CSMD2: variants seen among roughly 807,000 people sequenced by gnomAD.
CSMD2 encodes CUB and Sushi multiple domains 2.
A neutral mutation model predicts 398.5 loss-of-function variants in CSMD2; 130 were observed. The ratio of observed to expected loss-of-function variants is 0.33; its 90% CI spans 0.28 to 0.38. CSMD2 has a LOEUF of 0.38. Among genes scored for constraint, CSMD2 ranks in the 10% least tolerant of loss-of-function variants. The pLI is 1.00. For missense variants in CSMD2, 3,829 were observed against 4,764.9 expected, an observed-to-expected ratio of 0.80 and a Z score of 5.78; for synonymous variants, 1,828 against 1,908.5, an observed-to-expected ratio of 0.96 and a Z score of 1.10.
chr1:33,556,799 T>G (rs1658024448), intron 55 of CSMD2, among the ~76,000 whole-genome samples: 1 of 152,228 alleles, frequency 6.6e-6, no homozygotes, highest in African/African-American at 2.4e-5. Flanking sequence ...TCATAAGATC[T>G]GATGGTTTTA....
In CSMD2 at chr1:33,909,538, T is replaced by C. The variant is rs374465153; in HGVS notation, c.920+8556A>G. On this transcript the variant is annotated intron_variant, in intron 5 of 70. Coordinates refer to ENST00000373381, the MANE Select transcript of CSMD2 (RefSeq NM_001281956.2). ...GGCAGAGGCCTTGTCTTCTCCACCA[T>C]TGCATTCCCAGTGCCAAGTTCAATG... Among the ~76,000 whole-genome samples, 3 of 152,092 alleles carry C rather than the reference T, an allele frequency of 2.0e-5. No homozygotes were observed. In the South Asian group the frequency reaches 6.2e-4, roughly 31 times the overall value.
chr1:33,845,786 A>G (rs1000429878), intron 6 of CSMD2, among the ~76,000 whole-genome samples: 4 of 152,252 alleles, frequency 2.6e-5, no homozygotes, highest in African/African-American at 9.6e-5. Flanking sequence ...TTTTGAACGT[A>G]ACGCTTCTTC....
chr1:33,850,655 A>T (rs1638640079), intron 5 of CSMD2, among the ~76,000 whole-genome samples: 1 of 152,158 alleles, frequency 6.6e-6, no homozygotes, highest in African/African-American at 2.4e-5. Context: ...TTCTGTCCAC[A>T]TTAACTTCAC....
intron 2 of CSMD2, among the ~76,000 whole-genome samples, chr1:34,046,788 G>C (rs1030158230): frequency 1.3e-5 from 2 of 152,080 alleles, no homozygotes; most frequent in Non-Finnish European, 2.9e-5. Flanking sequence ...TACTATGCTT[G>C]GTTCTCAGGA....
At chr1:33,588,071 C>T (rs1289238280) in intron 44 of CSMD2, among the ~76,000 whole-genome samples, 3 of 152,182 alleles carry the variant, frequency 2.0e-5, no homozygotes, top group Non-Finnish European at 2.9e-5. Flanking sequence ...TCAGAGATAA[C>T]GACTGTTAAC....
Position 33,847,310 on chromosome 1 carries a change from C to T in CSMD2, c.921-314G>A, listed in dbSNP as rs145398094. On this transcript the variant is annotated intron_variant, in intron 5 of 70. Coordinates refer to ENST00000373381, the MANE Select transcript of CSMD2 (RefSeq NM_001281956.2). ...CCTTTTTCTTTTTTCTAGTTCTTTG[C>T]CTTTTCTGCTTGGAATATATTCACC... 4.9e-3 allele frequency among the ~76,000 whole-genome samples: 748 copies of T among 151,752 alleles called. 9 individuals carry two copies. Among genetic ancestry groups the T allele is most frequent in the African/African-American group, 0.017 (689 of 41,428 alleles).
intron 13 of CSMD2, among the ~76,000 whole-genome samples, chr1:33,768,293 T>G (rs1312275237): frequency 6.6e-6 from 1 of 152,196 alleles, no homozygotes; most frequent in Non-Finnish European, 1.5e-5. Flanking sequence ...AGGGAATATT[T>G]GGCAATGTCT....
chr1:33,808,260 A>C (rs148776768), intron 10 of CSMD2, among the ~76,000 whole-genome samples: 1 of 152,202 alleles, frequency 6.6e-6, no homozygotes, highest in African/African-American at 2.4e-5. Context: ...AGAGACAAAC[A>C]CAATTAACAA....
Position 33,519,445 on chromosome 1 carries a change from C to T in CSMD2, c.*53+20G>A. On this transcript the variant is annotated intron_variant, in intron 70 of 70. Coordinates refer to ENST00000373381, the MANE Select transcript of CSMD2 (RefSeq NM_001281956.2). The surrounding 1 kb of genome is among the most constrained non-coding windows in gnomAD (Gnocchi z 5.6). The stretch of plus-strand genomic sequence containing the variant: ...GTCTGTGCTTGTCATGGCCTGTCTT[C>T]CTCCCACACCCCTGCTCACCGGCTG... The T allele has an allele frequency of 6.7e-7, 1 of 1,494,528 alleles. No homozygotes were observed. Among genetic ancestry groups the T allele is most frequent in the Non-Finnish European group, 9.2e-7 (1 of 1,083,998 alleles). The allele number at this position is 1,494,528 out of a possible 1,614,324, so 92.6% of individuals were successfully genotyped here.
At chr1:33,939,145 T>C (rs1365938185) in intron 3 of CSMD2, among the ~76,000 whole-genome samples, 1 of 152,052 alleles carries the variant, frequency 6.6e-6, no homozygotes, top group African/African-American at 2.4e-5. Flanking sequence ...TTACTTAACA[T>C]TTCCCATGAT....
At chr1:34,118,311 A>T (rs1273027815) in intron 1 of CSMD2, among the ~76,000 whole-genome samples, 1 of 152,230 alleles carries the variant, frequency 6.6e-6, no homozygotes, top group Non-Finnish European at 1.5e-5. Context: ...AGCTAACATT[A>T]TGCTGAATGG....
intron 53 of CSMD2, among the ~76,000 whole-genome samples, chr1:33,561,910 C>T (rs759729709): frequency 2.0e-5 from 3 of 152,038 alleles, no homozygotes; most frequent in Non-Finnish European, 4.4e-5. Flanking sequence ...TGGAAAAGGT[C>T]GTGATGCCCC....
In CSMD2 at chr1:34,155,658, CCT is replaced by C. The variant is rs926456683; in HGVS notation, c.187+9251_187+9252del. Among the ~76,000 whole-genome samples the C allele has an allele frequency of 2.4e-4, 37 of 152,174 alleles. 1 individual carries two copies. Among genetic ancestry groups the C allele is most frequent in the African/African-American group, 8.9e-4 (37 of 41,440 alleles). ...CAGCAAGCCCACCCTCCTTCTCACCCCTGAGACCTGAAAAATAGCCTGGCAAG... is the reference window on the plus strand; with the variant it reads ...CAGCAAGCCCACCCTCCTTCTCACCCGAGACCTGAAAAATAGCCTGGCAAG... On this transcript the variant is annotated intron_variant, in intron 1 of 70. Transcript: ENST00000373381.
intron 29 of CSMD2, among the ~76,000 whole-genome samples, chr1:33,639,699 C>A (rs1007688162): frequency 6.6e-6 from 1 of 152,150 alleles, no homozygotes; most frequent in East Asian, 1.9e-4. Flanking sequence ...GGAAAATCAA[C>A]AACCACATCA....
chr1:33,975,582 C>T (rs1262445110), intron 3 of CSMD2, among the ~76,000 whole-genome samples: 1 of 151,774 alleles, frequency 6.6e-6, no homozygotes, highest in Non-Finnish European at 1.5e-5. Context: ...ACCCAGATTC[C>T]TTCTGTAATA....
At chr1:33,886,649 G>T (rs1469951000) in intron 5 of CSMD2, among the ~76,000 whole-genome samples, 1 of 152,162 alleles carries the variant, frequency 6.6e-6, no homozygotes, top group Admixed American at 6.5e-5. Flanking sequence ...GTGGGCAGCC[G>T]ATGGGAAATT....
At chr1:34,009,821 C>A (rs1456889135) in intron 3 of CSMD2, among the ~76,000 whole-genome samples, 1 of 152,150 alleles carries the variant, frequency 6.6e-6, no homozygotes, top group African/African-American at 2.4e-5. Flanking sequence ...GCTGATTTCA[C>A]TCCTATGTGA....
intron 64 of CSMD2, among the ~76,000 whole-genome samples, chr1:33,528,609 A>G (rs1023394868): frequency 1.3e-5 from 2 of 152,216 alleles, no homozygotes; most frequent in African/African-American, 2.4e-5. Flanking sequence ...GTGCTGTGAT[A>G]GGCACTTCTT....
intron 3 of CSMD2, among the ~76,000 whole-genome samples, chr1:33,953,803 C>G (rs192203270): frequency 6.6e-6 from 1 of 152,116 alleles, no homozygotes; most frequent in Non-Finnish European, 1.5e-5. Flanking sequence ...CTGAGAGATA[C>G]GGATTGATTT....
Sources: gnomAD v4.1 joint callset for allele counts (sites outside exome capture counted in the v4.1 genomes callset) on GRCh38, gnomAD v4.1.1 for gene constraint, Gnocchi (gnomAD v3.1) non-coding constraint, MANE v1.5 for transcripts, NCBI Gene and HGNC (gene_info 2026-07-23, HGNC 2026-07-21) for gene names.